CSTPP1: variants seen among roughly 807,000 people sequenced by gnomAD.
CSTPP1 encodes centriolar satellite-associated tubulin polyglutamylase complex regulator 1, also known as UPF0705 protein C11orf49.
the CSTPP1 span, chr11:47,161,844 T>C: frequency 7.3e-7 from 1 of 1,364,846 alleles, no homozygotes; most frequent in African/African-American, 1.5e-5. Flanking sequence ...TCCCTGGCCC[T>C]ATCAGCCTGT....
At chr11:47,161,867 G>A in the CSTPP1 span, 1 of 1,329,942 alleles carries the variant, frequency 7.5e-7, no homozygotes, top group Non-Finnish European at 9.6e-7. Flanking sequence ...ACTTCACTTA[G>A]GCCCCAAGCT....
At chr11:47,155,172 T>C in the CSTPP1 span, 26 of 1,609,730 alleles carry the variant, frequency 1.6e-5, 1 homozygote, top group Middle Eastern at 3.3e-4. Context: ...TCTTTCCCCT[T>C]CAGGATTGTG....
chr11:47,142,104 G>A, the CSTPP1 span, among the ~76,000 whole-genome samples: 5 of 151,618 alleles, frequency 3.3e-5, no homozygotes, highest in East Asian at 1.9e-4. Flanking sequence ...TTAGCTGGGC[G>A]TGGTGATGCA....
chr11:47,091,039 T>G, the CSTPP1 span, among the ~76,000 whole-genome samples: 2 of 58,126 alleles, frequency 3.4e-5, no homozygotes, highest in East Asian at 4.6e-4. Flanking sequence ...ACAGCGAGAC[T>G]CCATCTCAAA....
At chr11:47,163,567 C>T in the CSTPP1 span, among the ~76,000 whole-genome samples, 2 of 152,236 alleles carry the variant, frequency 1.3e-5, no homozygotes, top group Non-Finnish European at 2.9e-5. Flanking sequence ...GATTTACACA[C>T]AAACACACAC....
At chr11:47,081,103 G>A in the CSTPP1 span, among the ~76,000 whole-genome samples, 41 of 151,862 alleles carry the variant, frequency 2.7e-4, no homozygotes, top group Admixed American at 2.4e-3. Flanking sequence ...AAAAGACTTG[G>A]ACATATGGAA....
the CSTPP1 span, among the ~76,000 whole-genome samples, chr11:46,983,808 C>G: frequency 2.0e-5 from 3 of 152,166 alleles, no homozygotes; most frequent in Non-Finnish European, 4.4e-5. Flanking sequence ...AAGGAAACCA[C>G]CAGGGCACGG....
At chr11:46,987,059 T>G in the CSTPP1 span, 1 of 683,712 alleles carries the variant, frequency 1.5e-6, no homozygotes, top group Non-Finnish European at 2.5e-6. Flanking sequence ...TCAGCAAGTT[T>G]GCTTTGCCTA....
chr11:47,072,696 CAT>C, the CSTPP1 span, among the ~76,000 whole-genome samples: 7 of 148,832 alleles, frequency 4.7e-5, no homozygotes, highest in South Asian at 2.2e-4. Context: ...TACACACACA[CAT>C]ATATGGATAA....
chr11:46,994,482 G>T, the CSTPP1 span, among the ~76,000 whole-genome samples: 4 of 152,246 alleles, frequency 2.6e-5, no homozygotes, highest in Admixed American at 6.5e-5. Context: ...GTTTTTAGCA[G>T]GAAGGGCTGT....
the CSTPP1 span, chr11:46,947,972 T>C: frequency 1.3e-5 from 6 of 444,828 alleles, 1 homozygote; most frequent in South Asian, 9.4e-5. Flanking sequence ...ACTCCTCCTG[T>C]GGCCAACTTA....
chr11:47,083,456 G>A, the CSTPP1 span, among the ~76,000 whole-genome samples: 5 of 152,086 alleles, frequency 3.3e-5, no homozygotes, highest in Non-Finnish European at 7.3e-5. Context: ...AGTTCTCTTG[G>A]ATATATACCT....
chr11:46,955,204 A>G, the CSTPP1 span, among the ~76,000 whole-genome samples: 3 of 152,138 alleles, frequency 2.0e-5, no homozygotes, highest in African/African-American at 7.2e-5. Flanking sequence ...AAAGTTCCTG[A>G]GTGACTTGGA....
the CSTPP1 span, chr11:47,160,977 T>C: frequency 1.0e-6 from 1 of 966,566 alleles, no homozygotes; most frequent in South Asian, 1.6e-5. Context: ...TCCGTGACTG[T>C]TCTTGGCCCC....
At chr11:47,028,721 G>C in the CSTPP1 span, among the ~76,000 whole-genome samples, 1 of 152,132 alleles carries the variant, frequency 6.6e-6, no homozygotes, top group African/African-American at 2.4e-5. Flanking sequence ...GATAGGCAAT[G>C]GGAAGAAAAC....
At chr11:47,148,622 C>T in the CSTPP1 span, among the ~76,000 whole-genome samples, 1 of 152,200 alleles carries the variant, frequency 6.6e-6, no homozygotes, top group Non-Finnish European at 1.5e-5. Context: ...CACGCATTTC[C>T]TCTGGGCTCT....
chr11:47,102,758 C>T, the CSTPP1 span, among the ~76,000 whole-genome samples: 3 of 152,182 alleles, frequency 2.0e-5, no homozygotes, highest in East Asian at 1.9e-4. Flanking sequence ...ATTATTCCTT[C>T]AGTCTGAGAG....
the CSTPP1 span, among the ~76,000 whole-genome samples, chr11:47,116,349 G>A: frequency 6.6e-6 from 1 of 152,214 alleles, no homozygotes; most frequent in African/African-American, 2.4e-5. Flanking sequence ...TTGCAGAGCT[G>A]AGTTCAGGTC....
chr11:47,114,750 T>A, the CSTPP1 span, among the ~76,000 whole-genome samples: 27 of 152,224 alleles, frequency 1.8e-4, no homozygotes, highest in Admixed American at 1.3e-4. Context: ...ATGGGTTTTC[T>A]AAATATACAA....
Sources: allele counts gnomAD v4.1 joint callset (sites outside exome capture counted in the v4.1 genomes callset), GRCh38; gene constraint gnomAD v4.1.1; transcripts MANE v1.5; gene names NCBI Gene and HGNC (gene_info 2026-07-23, HGNC 2026-07-21).